The following TUSC3 variants were observed in gnomAD, a reference collection of about 807,000 sequenced individuals.
The protein encoded by TUSC3 is dolichyl-diphosphooligosaccharide--protein glycosyltransferase subunit TUSC3.
A neutral mutation model predicts 44.8 loss-of-function variants in TUSC3; 45 were observed. The ratio of observed to expected loss-of-function variants is 1.00; its 90% CI spans 0.79 to 1.29. TUSC3 has a LOEUF of 1.29. Ranked by LOEUF, TUSC3 falls within the 50% of genes most tolerant of loss-of-function variation. The pLI, the probability that TUSC3 is intolerant of heterozygous loss-of-function variation, is 0.00. For synonymous variants in TUSC3, 212 were observed against 152.9 expected, an observed-to-expected ratio of 1.39 and a Z score of -2.85; for missense variants, 519 against 437.9, an observed-to-expected ratio of 1.19 and a Z score of -1.65.
chr8:15,509,107 T>C (rs756331227), intron 2 of TUSC3, among the ~76,000 whole-genome samples: 11 of 152,128 alleles, frequency 7.2e-5, no homozygotes, highest in Non-Finnish European at 1.0e-4. Context: ...GAAAAAAGAA[T>C]AGCTGAGGAA....
chr8:15,711,878 A>G (rs1422269361), intron 6 of TUSC3, among the ~76,000 whole-genome samples: 1 of 151,672 alleles, frequency 6.6e-6, no homozygotes, highest in African/African-American at 2.4e-5. Flanking sequence ...CCTCCCTGCC[A>G]CCCCCAGTTT....
At chr8:15,778,052 C>G in the TUSC3 span, among the ~76,000 whole-genome samples, 3 of 151,152 alleles carry the variant, frequency 2.0e-5, no homozygotes, top group African/African-American at 4.9e-5. Flanking sequence ...ATCAGAGACT[C>G]TGCCTTCAAT....
intron 6 of TUSC3, among the ~76,000 whole-genome samples, chr8:15,690,390 C>T (rs1808847298): frequency 6.6e-6 from 1 of 150,966 alleles, no homozygotes; most frequent in Admixed American, 6.6e-5. Flanking sequence ...CTTACAAATT[C>T]TGAATATTAG....
In TUSC3 at chr8:15,523,664, ATGTG is replaced by A. The variant is rs869090876; in HGVS notation, n.189+40223_189+40226del. On this transcript the variant is annotated intron_variant and non_coding_transcript_variant, in intron 2 of 5. Coordinates refer to the TUSC3 transcript ENST00000503191. ...CATATATATATATATATATATATAT[ATGTG>A]TGTGTGTGTGTGTGTGTGTGTGTGT... Among the ~76,000 whole-genome samples, 62 of 42,490 alleles carry A rather than the reference ATGTG, an allele frequency of 1.5e-3. 1 individual carries two copies. Among genetic ancestry groups the A allele is most frequent in the African/African-American group, 4.7e-3 (54 of 11,548 alleles). 27.9% of individuals were successfully genotyped at this position (42,490 alleles called of 152,430 possible). A position where few individuals can be genotyped will look rare whatever the true frequency, so the allele number is the denominator to read the frequency against.
At chr8:15,639,459 A>G (rs1806260608) in intron 2 of TUSC3, among the ~76,000 whole-genome samples, 1 of 152,256 alleles carries the variant, frequency 6.6e-6, no homozygotes, top group East Asian at 1.9e-4. Context: ...AAGATCATAC[A>G]AAACGGTGCT....
intron 7 of TUSC3, 170 bp from the exon 8 acceptor site, chr8:15,743,368 C>A: frequency 1.5e-6 from 1 of 670,190 alleles, no homozygotes; most frequent in South Asian, 1.8e-5. Context: ...AAAGTTAAGG[C>A]ATATTTGCTC....
At chr8:15,642,314 T>C (rs1806409733) in intron 2 of TUSC3, among the ~76,000 whole-genome samples, 1 of 152,210 alleles carries the variant, frequency 6.6e-6, no homozygotes, top group South Asian at 2.1e-4. Context: ...ATGCTTTTTA[T>C]TCAATTTTGT....
At chr8:15,834,251 T>A in the TUSC3 span, among the ~76,000 whole-genome samples, 1 of 152,008 alleles carries the variant, frequency 6.6e-6, no homozygotes, top group Non-Finnish European at 1.5e-5. Context: ...TTTCTTCATA[T>A]TGACCTTGCA....
At chr8:15,706,649 T>C (rs1809626742) in intron 6 of TUSC3, among the ~76,000 whole-genome samples, 1 of 152,050 alleles carries the variant, frequency 6.6e-6, no homozygotes, top group South Asian at 2.1e-4. Flanking sequence ...ATGTGGATTT[T>C]AATACAAGAT....
rs539168721 is a variant in TUSC3, at chr8:15,677,775, A to C, written c.798+3939A>C. Among the ~76,000 whole-genome samples, 3 of 152,306 alleles carry C rather than the reference A, an allele frequency of 2.0e-5. No homozygotes were observed. In the South Asian group the frequency reaches 6.2e-4, roughly 32 times the overall value. On this transcript the variant is annotated intron_variant, in intron 6 of 10. Transcript: ENST00000503731. ...AGTAGGCTTAGTGCAGGGGCAGGAA[A>C]GGTGGGGAGTAGTAAGATAGGCAGA...
the TUSC3 span, among the ~76,000 whole-genome samples, chr8:15,779,875 T>C: frequency 6.6e-6 from 1 of 152,230 alleles, no homozygotes; most frequent in Non-Finnish European, 1.5e-5. Flanking sequence ...CGCTATAGTC[T>C]GTGTCATACT....
the TUSC3 span, among the ~76,000 whole-genome samples, chr8:15,839,915 G>A: frequency 6.6e-6 from 1 of 152,172 alleles, no homozygotes. Flanking sequence ...CTGCTATAAA[G>A]GCACATGCAC....
At chr8:15,630,132 C>G (rs908912433) in intron 2 of TUSC3, among the ~76,000 whole-genome samples, 3 of 151,918 alleles carry the variant, frequency 2.0e-5, no homozygotes. Flanking sequence ...AATCTAAGTA[C>G]GAAATATCCT....
At chr8:15,446,914 G>C (rs1312957516) in intron 1 of TUSC3, among the ~76,000 whole-genome samples, 1 of 90,188 alleles carries the variant, frequency 1.1e-5, no homozygotes, top group Non-Finnish European at 2.7e-5. Context: ...AAAAAACAAA[G>C]GAGGTAAAAT....
At chr8:15,668,528 G>A (rs1036514114) in intron 5 of TUSC3, among the ~76,000 whole-genome samples, 1 of 151,718 alleles carries the variant, frequency 6.6e-6, no homozygotes, top group African/African-American at 2.4e-5. Context: ...TGCCCACAGG[G>A]ACCTTACATG....
the TUSC3 span, among the ~76,000 whole-genome samples, chr8:15,790,643 A>T: frequency 6.6e-6 from 1 of 151,932 alleles, no homozygotes; most frequent in Non-Finnish European, 1.5e-5. Context: ...CCAGTCTCCT[A>T]CCTCACAACC....
At position 15,603,258 on chromosome 8, in the gene TUSC3, A is replaced by G. The variant is rs377008468; in HGVS notation, c.139-19822A>G. ...GGAACCTGAGTTGTTAATAAACAAT[A>G]TATGTATAATGTCATTAAACATCAT... On this transcript the variant is annotated intron_variant, in intron 1 of 10. Transcript: ENST00000503731. 1.9e-4 allele frequency among the ~76,000 whole-genome samples: 29 copies of G among 151,858 alleles called. 1 individual carries two copies. The highest frequency in any genetic ancestry group is 6.5e-4 in the African/African-American group (27 of 41,512).
intron 7 of TUSC3, among the ~76,000 whole-genome samples, chr8:15,737,075 C>CATTTA (rs1810968498): frequency 1.3e-5 from 2 of 151,796 alleles, no homozygotes; most frequent in African/African-American, 2.4e-5. Context: ...ACATTTTTTC[C>CATTTA]ATTTATTATG....
At chr8:15,780,297 G>T in the TUSC3 span, among the ~76,000 whole-genome samples, 1 of 152,138 alleles carries the variant, frequency 6.6e-6, no homozygotes, top group Non-Finnish European at 1.5e-5. Flanking sequence ...AATACAGTTG[G>T]AAAGGAATTC....
Sources: allele counts gnomAD v4.1 joint callset (sites outside exome capture counted in the v4.1 genomes callset), GRCh38; gene constraint gnomAD v4.1.1; transcripts MANE v1.5; gene names NCBI Gene and HGNC (gene_info 2026-07-23, HGNC 2026-07-21).